Variants in VPS72 observed in about 807,000 individuals in gnomAD.
The protein encoded by VPS72 is vacuolar protein sorting 72 homolog, also known as vacuolar protein sorting-associated protein 72 homolog.
A neutral mutation model predicts 38.9 loss-of-function variants in VPS72; 27 were observed. The ratio of observed to expected loss-of-function variants is 0.69; its 90% confidence interval spans 0.51 to 0.96. The LOEUF is 0.96. Ranked by LOEUF, VPS72 falls within the 40% of genes least tolerant of loss-of-function variation. The pLI is 0.00. For synonymous variants in VPS72, 173 were observed against 186.3 expected, an observed-to-expected ratio of 0.93 and a Z score of 0.58; for missense variants, 360 against 479.5, an observed-to-expected ratio of 0.75 and a Z score of 2.33.
intron 3 of VPS72, among the ~76,000 whole-genome samples, 180 bp from the exon 4 acceptor site, chr1:151,184,673 C>T (rs908392756): frequency 2.6e-5 from 4 of 151,516 alleles, no homozygotes; most frequent in African/African-American, 9.7e-5. Flanking sequence ...CCAACCTCTG[C>T]TTCCTGGGTT....
In VPS72 at chr1:151,184,401, C is replaced by A; in HGVS notation, c.478G>T (p.Gly160Trp). The A allele has an allele frequency of 6.2e-7, 1 of 1,614,052 alleles. No homozygotes were observed. Among genetic ancestry groups the A allele is most frequent in the East Asian group, 2.2e-5 (1 of 44,894 alleles). The change falls in exon 4 of 6, where the codon GGG (glycine) becomes TGG (tryptophan). Residue 160 changes from glycine to tryptophan, a missense_variant. Physicochemically the swap from Gly to Trp is radical, Grantham distance 184. Around this residue, in one of 2 missense-constraint regions of VPS72, gnomAD observed 294 missense variants for 356.3 expected, o/e 0.83. Transcript: ENST00000368892. Reference protein sequence around the residue: ...ERQGQSRRRKGPHCERPLTQE... With the variant: ...ERQGQSRRRKWPHCERPLTQE... ...GTTAGTGGCCGCTCACAGTGGGGCC[C>A]CTTTCGCCGTCTTGACTGGCCCTGC... is the stretch of plus-strand genomic sequence containing the variant.
intron 4 of VPS72, among the ~76,000 whole-genome samples, chr1:151,183,265 T>C (rs1203209217): frequency 6.7e-6 from 1 of 149,972 alleles, no homozygotes; most frequent in Non-Finnish European, 1.5e-5. Context: ...CAACTAAAAA[T>C]ACAAAAAAAT....
intron 4 of VPS72, among the ~76,000 whole-genome samples, chr1:151,179,930 A>G (rs1684203019): frequency 6.6e-6 from 1 of 152,034 alleles, no homozygotes; most frequent in African/African-American, 2.4e-5. Flanking sequence ...ATGAATCAAA[A>G]TATTCCTCGT....
In VPS72 at chr1:151,185,901, T is replaced by G. The variant is rs1684338268; in HGVS notation, c.167A>C (p.Glu56Ala). The stretch of plus-strand genomic sequence containing the variant: ...ATCAATGTCAAAGTCAGAGTCCACT[T>G]CGTCCTCTGTGTCTGACTGGTCCCC... ...YQGDQSDTED[E>A]VDSDFDIDEG... The change falls in exon 2 of 6, where the codon GAA (glutamate) becomes GCA (alanine). Residue 56 changes from glutamate to alanine, a missense_variant. Glu to Ala is a moderately radical substitution (Grantham distance 107). Coordinates refer to ENST00000368892, the MANE Select transcript of VPS72 (RefSeq NM_005997.3). The G allele has an allele frequency of 5.6e-6, 9 of 1,614,170 alleles. No individual in the cohort carries two copies. The highest frequency in any genetic ancestry group is 7.6e-6 in the Non-Finnish European group (9 of 1,180,028).
At chr1:151,186,357 G>A (rs1268984232) in intron 1 of VPS72, among the ~76,000 whole-genome samples, 5 of 151,804 alleles carry the variant, frequency 3.3e-5, no homozygotes, top group South Asian at 2.1e-4. Context: ...CCAGGAGTTC[G>A]AGACCAGCCT....
intron 1 of VPS72, among the ~76,000 whole-genome samples, chr1:151,186,947 T>C (rs1684364700): frequency 6.6e-6 from 1 of 152,210 alleles, no homozygotes. Flanking sequence ...TCCCTACCAT[T>C]GATAATCATT....
In VPS72 at chr1:151,176,513, T is replaced by C. The variant is rs1161592678; in HGVS notation, c.*131A>G. The C allele has an allele frequency of 3.6e-6, 5 of 1,407,880 alleles. No homozygotes were observed. Among genetic ancestry groups the C allele is most frequent in the Middle Eastern group, 2.6e-4 (1 of 3,836 alleles). 87.2% of individuals were successfully genotyped at this position (1,407,880 alleles called of 1,614,324 possible). A position where few individuals can be genotyped will look rare whatever the true frequency, so the allele number is the denominator to read the frequency against. On this transcript the variant is annotated 3_prime_UTR_variant, in exon 6 of 6. Coordinates refer to ENST00000368892, the MANE Select transcript of VPS72 (RefSeq NM_005997.3). ...AAAACACAACGAAACCTGTAAGAAC[T>C]AGGGGAAAAGGAAAAAGAAACAGAT...
At chr1:151,186,693 T>C (rs1251631550) in intron 1 of VPS72, among the ~76,000 whole-genome samples, 4 of 152,070 alleles carry the variant, frequency 2.6e-5, no homozygotes, top group African/African-American at 4.8e-5. Flanking sequence ...GAAATGGTAA[T>C]GTGTATAGCA....
chr1:151,184,959 T>C (rs1188941967), intron 3 of VPS72, among the ~76,000 whole-genome samples: 5 of 152,186 alleles, frequency 3.3e-5, no homozygotes, highest in East Asian at 1.9e-4. Context: ...CCATCACCTA[T>C]TGGTAATATT....
At chr1:151,180,638 A>C (rs1021999641) in intron 4 of VPS72, among the ~76,000 whole-genome samples, 1 of 152,068 alleles carries the variant, frequency 6.6e-6, no homozygotes, top group African/African-American at 2.4e-5. Flanking sequence ...GGGTTTCACC[A>C]TGTTGACCAG....
At chr1:151,189,080 C>T (rs1382297975) in intron 1 of VPS72, among the ~76,000 whole-genome samples, 1 of 152,164 alleles carries the variant, frequency 6.6e-6, no homozygotes, top group African/African-American at 2.4e-5. Context: ...CCACCCGCCT[C>T]GGCCTTCCAA....
chr1:151,189,351 A>G (rs954661778), intron 1 of VPS72, among the ~76,000 whole-genome samples: 4 of 152,244 alleles, frequency 2.6e-5, no homozygotes, highest in African/African-American at 9.6e-5. Context: ...CCCAGTCCGG[A>G]CACCTCACAC....
At position 151,185,718 on chromosome 1, in the gene VPS72, T is replaced by A; in HGVS notation, c.270+80A>T. 3 of 1,608,842 alleles carry A rather than the reference T, an allele frequency of 1.9e-6. No individual in the cohort carries two copies. The Admixed American group carries it at 5.0e-5, about 27-fold the overall frequency. Reference sequence around the variant, plus strand: ...AAACTAGCATTGCCAGAAATGGAAGTGGCATAGGGAGTACTGGGACCTGAT... The same window carrying A: ...AAACTAGCATTGCCAGAAATGGAAGAGGCATAGGGAGTACTGGGACCTGAT... On this transcript the variant is annotated intron_variant, in intron 2 of 5. Coordinates refer to ENST00000368892, the MANE Select transcript of VPS72 (RefSeq NM_005997.3).
chr1:151,186,438 A>T (rs1245913476), intron 1 of VPS72, among the ~76,000 whole-genome samples: 2 of 152,224 alleles, frequency 1.3e-5, no homozygotes, highest in South Asian at 4.1e-4. Flanking sequence ...GCACACCTGT[A>T]GTCCCAGCTA....
chr1:151,178,192 T>C, intron 4 of VPS72, 47 bp from the exon 5 acceptor site: 1 of 1,599,140 alleles, frequency 6.3e-7, no homozygotes, highest in Non-Finnish European at 8.5e-7. Context: ...AATGTCCCTT[T>C]TTCCCATATC....
intron 4 of VPS72, among the ~76,000 whole-genome samples, chr1:151,178,741 C>A (rs975329558): frequency 6.6e-6 from 1 of 152,138 alleles, no homozygotes; most frequent in Non-Finnish European, 1.5e-5. Context: ...TACAGGGGAA[C>A]AATTAGCTGA....
chr1:151,189,836 A>G (rs951500716), intron 1 of VPS72, among the ~76,000 whole-genome samples, 169 bp downstream of exon 1: 3 of 151,744 alleles, frequency 2.0e-5, no homozygotes, highest in African/African-American at 7.3e-5. Context: ...AGGACTCCAC[A>G]CTATCCGTTC....
At position 151,176,788 on chromosome 1, in the gene VPS72, C is replaced by A; in HGVS notation, c.951G>T (p.Lys317Asn). ...ACTTCTTGTAAGCCTCACGAATGATCTTGAAGGCTCGAGCAGTGGCATAGG... is the reference window on the plus strand; with the variant it reads ...ACTTCTTGTAAGCCTCACGAATGATATTGAAGGCTCGAGCAGTGGCATAGG... ...DIPYATARAF[K>N]IIREAYKKYI... is the part of the protein sequence containing the mutation. Residue 317 changes from lysine to asparagine, a missense_variant, in exon 6 of 6, where the codon AAG becomes AAT. This residue lies in a region of VPS72 where 294 missense variants were observed against 356.3 expected (regional missense o/e 0.83). Coordinates refer to ENST00000368892, the MANE Select transcript of VPS72 (RefSeq NM_005997.3). 1 of 1,614,168 alleles carries A rather than the reference C, an allele frequency of 6.2e-7. No individual in the cohort carries two copies. The highest frequency in any genetic ancestry group is 2.2e-5 in the East Asian group (1 of 44,886).
intron 4 of VPS72, among the ~76,000 whole-genome samples, chr1:151,183,186 G>C (rs1236465482): frequency 1.3e-5 from 2 of 151,832 alleles, no homozygotes; most frequent in Admixed American, 1.3e-4. Flanking sequence ...CTTTGGGAGG[G>C]TGAGGCGGGT....
Sources: gnomAD v4.1 joint callset for allele counts (sites outside exome capture counted in the v4.1 genomes callset) on GRCh38, gnomAD v4.1.1 for gene constraint, gnomAD v4.1.1 regional missense constraint, MANE v1.5 for transcripts, NCBI Gene and HGNC (gene_info 2026-07-23, HGNC 2026-07-21) for gene names.